Variants in BDKRB2 observed in about 807,000 individuals in gnomAD.
BDKRB2 encodes bradykinin receptor B2, also known as B2 bradykinin receptor.
In BDKRB2, 6 loss-of-function variants were observed where a neutral mutation model predicts 4.0. That is an observed-to-expected ratio of 1.49 (90% CI 0.81 to 2.93). The LOEUF (loss-of-function observed/expected upper bound fraction) is 2.93, where lower values mean the gene tolerates loss of function less well. BDKRB2 is among the 30% of genes most tolerant of loss of function. The pLI is 0.00. For missense variants in BDKRB2, 478 were observed against 520.1 expected, an observed-to-expected ratio of 0.92 and a Z score of 0.79; for synonymous variants, 225 against 215.3, an observed-to-expected ratio of 1.05 and a Z score of -0.40.
At chr14:96,208,052 C>CA (rs1890230397) in intron 1 of BDKRB2, among the ~76,000 whole-genome samples, 1 of 152,168 alleles carries the variant, frequency 6.6e-6, no homozygotes. Context: ...GCTCTTCCTC[C>CA]AACTGCCCCC....
chr14:96,227,695 G>GCACA (rs951870820), intron 1 of BDKRB2, among the ~76,000 whole-genome samples: 1 of 149,870 alleles, frequency 6.7e-6, no homozygotes, highest in Non-Finnish European at 1.5e-5. Flanking sequence ...ACACACACAT[G>GCACA]CACACACACA....
rs372688796 is a variant in BDKRB2, at chr14:96,232,688, C to T, written c.-39-4381C>T. Among the ~76,000 whole-genome samples the T allele has an allele frequency of 7.2e-5, 11 of 152,292 alleles. No homozygotes were observed. The South Asian group carries it at 1.5e-3, about 20-fold the overall frequency. On this transcript the variant is annotated intron_variant, in intron 1 of 2. Coordinates refer to ENST00000554311, the MANE Select transcript of BDKRB2 (RefSeq NM_001379692.1). ...CTCAGTCTGTTGAAAAAGGAGATTACGCACATAGAAAGGCGTTGAAGTGCA... is the reference window on the plus strand; with the variant it reads ...CTCAGTCTGTTGAAAAAGGAGATTATGCACATAGAAAGGCGTTGAAGTGCA...
At position 96,204,925 on chromosome 14, in the gene BDKRB2, C is replaced by G. The variant is rs1030933703; in HGVS notation, c.-74C>G. Reference sequence around the variant, plus strand: ...CAGGCTGCCCCGCAGTACCAGGGAGCGACTGAAGTGCCCATGCCGCTTGCT... The same window carrying G: ...CAGGCTGCCCCGCAGTACCAGGGAGGGACTGAAGTGCCCATGCCGCTTGCT... On this transcript the variant is annotated 5_prime_UTR_variant, in exon 1 of 3. Transcript: ENST00000554311. 4 of 291,376 alleles carry G rather than the reference C, an allele frequency of 1.4e-5. No homozygotes were observed. Among genetic ancestry groups the G allele is most frequent in the Non-Finnish European group, 2.8e-5 (4 of 142,296 alleles). The allele number at this position is 291,376 out of a possible 1,614,324, so 18.0% of individuals were successfully genotyped here.
In BDKRB2 at chr14:96,238,237, C is replaced by T. The variant is rs149705013; in HGVS notation, c.74+1056C>T. 2.0e-3 allele frequency: 980 copies of T among 497,144 alleles called. 7 individuals carry two copies. The highest frequency in any genetic ancestry group is 0.017 in the African/African-American group (837 of 47,876). The allele number at this position is 497,144 out of a possible 1,614,324, so 30.8% of individuals were successfully genotyped here. On this transcript the variant is annotated intron_variant, in intron 2 of 2. Transcript: ENST00000554311. ...ACTTTCAAGGTGGCAAGTTGGTTCC[C>T]CCCATGTGGCTGCTTGAGTATCCTC... is the stretch of plus-strand genomic sequence containing the variant.
At chr14:96,240,081 T>A in intron 2 of BDKRB2, 1 of 1,072,536 alleles carries the variant, frequency 9.3e-7, no homozygotes, top group South Asian at 4.5e-5. Flanking sequence ...AATCCTCCCA[T>A]CACGGAAGCT....
chr14:96,225,654 T>A (rs1401364475), intron 1 of BDKRB2, among the ~76,000 whole-genome samples: 3 of 152,094 alleles, frequency 2.0e-5, no homozygotes, highest in Non-Finnish European at 4.4e-5. Flanking sequence ...CCTGTGCAGA[T>A]AGGGATAAAA....
intron 1 of BDKRB2, among the ~76,000 whole-genome samples, chr14:96,208,697 C>T (rs1348876950): frequency 2.6e-5 from 4 of 152,190 alleles, no homozygotes; most frequent in African/African-American, 9.7e-5. Flanking sequence ...GAAAAAAGCC[C>T]TGTCCGACAT....
intron 1 of BDKRB2, among the ~76,000 whole-genome samples, chr14:96,224,320 G>A (rs1890647073): frequency 6.6e-6 from 1 of 152,124 alleles, no homozygotes; most frequent in Non-Finnish European, 1.5e-5. Flanking sequence ...TCCACCTGAG[G>A]TTCTGGCCCA....
chr14:96,209,338 C>T (rs1008185215), intron 1 of BDKRB2, among the ~76,000 whole-genome samples: 3 of 152,182 alleles, frequency 2.0e-5, no homozygotes, highest in African/African-American at 7.2e-5. Context: ...TCCGAAGAGT[C>T]ATGAGACTTA....
At chr14:96,229,282 A>T (rs1300545505) in intron 1 of BDKRB2, among the ~76,000 whole-genome samples, 1 of 152,160 alleles carries the variant, frequency 6.6e-6, no homozygotes, top group African/African-American at 2.4e-5. Context: ...GGGGGATATC[A>T]GTCAGAGAAA....
At chr14:96,230,561 A>AT (rs1389995000) in intron 1 of BDKRB2, among the ~76,000 whole-genome samples, 15 of 150,154 alleles carry the variant, frequency 1.0e-4, no homozygotes, top group Non-Finnish European at 1.9e-4. Flanking sequence ...CACCCAGCTA[A>AT]TTTTTATATT....
intron 1 of BDKRB2, chr14:96,214,673 C>T (rs1039132544): frequency 6.6e-6 from 1 of 152,352 alleles, no homozygotes; most frequent in Non-Finnish European, 1.5e-5. Flanking sequence ...TGGTTTGAGT[C>T]CCAGTCCCTC....
chr14:96,224,333 C>A (rs1325012603), intron 1 of BDKRB2, among the ~76,000 whole-genome samples: 2 of 152,290 alleles, frequency 1.3e-5, no homozygotes, highest in South Asian at 2.1e-4. Context: ...CTGGCCCAGA[C>A]TGCTTATGTT....
intron 1 of BDKRB2, among the ~76,000 whole-genome samples, chr14:96,214,280 G>C (rs1003490488): frequency 9.9e-5 from 15 of 152,184 alleles, no homozygotes; most frequent in African/African-American, 3.6e-4. Context: ...CTGTGGCTGA[G>C]GGGGTGGAGG....
At chr14:96,217,753 G>A (rs1395414485) in intron 1 of BDKRB2, among the ~76,000 whole-genome samples, 1 of 152,154 alleles carries the variant, frequency 6.6e-6, no homozygotes, top group Non-Finnish European at 1.5e-5. Context: ...GCAGGGACAG[G>A]CTATGCATCC....
intron 1 of BDKRB2, among the ~76,000 whole-genome samples, chr14:96,230,180 G>A (rs1478576894): frequency 6.6e-6 from 1 of 152,080 alleles, no homozygotes; most frequent in African/African-American, 2.4e-5. Flanking sequence ...GAATGGTTTA[G>A]TAAACAAAAA....
chr14:96,222,093 C>T (rs925912438), intron 1 of BDKRB2, among the ~76,000 whole-genome samples: 2 of 152,048 alleles, frequency 1.3e-5, no homozygotes, highest in Non-Finnish European at 2.9e-5. Context: ...ACCCCCTCCA[C>T]GGGTTCAGTA....
rs200077487 is a variant in BDKRB2, at chr14:96,243,851, A to T, written c.*2347A>T. 95 of 251,220 alleles carry T rather than the reference A, an allele frequency of 3.8e-4. 1 individual carries two copies. The highest frequency in any genetic ancestry group is 2.0e-3 in the African/African-American group (89 of 45,342). The allele number at this position is 251,220 out of a possible 1,614,324, so 15.6% of individuals were successfully genotyped here. The stretch of plus-strand genomic sequence containing the variant: ...TGCCACACATGGTGAATGAAAAAAA[A>T]AAAAAGAGGCTGTGTTTTGTCACAC... On this transcript the variant is annotated 3_prime_UTR_variant, in exon 3 of 3. Transcript: ENST00000554311.
chr14:96,219,616 A>G (rs1890508668), intron 1 of BDKRB2, among the ~76,000 whole-genome samples: 1 of 151,678 alleles, frequency 6.6e-6, no homozygotes, highest in South Asian at 2.1e-4. Context: ...GGCACATTGC[A>G]GATGATATAG....
Sources: gnomAD v4.1 joint callset for allele counts (sites outside exome capture counted in the v4.1 genomes callset) on GRCh38, gnomAD v4.1.1 for gene constraint, MANE v1.5 for transcripts, NCBI Gene and HGNC (gene_info 2026-07-23, HGNC 2026-07-21) for gene names.